Variants in BRCA1 observed in about 807,000 individuals in gnomAD.
BRCA1 encodes the protein breast cancer type 1 susceptibility protein.
A neutral mutation model predicts 173.7 loss-of-function variants in BRCA1; 140 were observed. The observed-to-expected ratio is 0.81, with a 90% CI of 0.70 to 0.93. BRCA1 has a LOEUF of 0.93. Ranked by LOEUF, BRCA1 falls within the 40% of genes least tolerant of loss-of-function variation. The pLI is 0.00. For synonymous variants in BRCA1, 662 were observed against 756.0 expected, an observed-to-expected ratio of 0.88 and a Z score of 2.04; for missense variants, 1,983 against 2,172.5, an observed-to-expected ratio of 0.91 and a Z score of 1.73.
intron 1 of BRCA1, among the ~76,000 whole-genome samples, chr17:43,156,871 A>T (rs2056200740): frequency 6.6e-6 from 1 of 152,274 alleles, no homozygotes; most frequent in Non-Finnish European, 1.5e-5. Context: ...GAAGACTGTG[A>T]AAAGGGAAAA....
chr17:43,061,113 G>C (rs915761575), intron 18 of BRCA1, among the ~76,000 whole-genome samples: 5 of 152,008 alleles, frequency 3.3e-5, no homozygotes, highest in Non-Finnish European at 7.4e-5. Context: ...GGGATAGAGG[G>C]AGACACCATC....
At position 43,094,673 on chromosome 17, in the gene BRCA1, C is replaced by T. The variant is rs2054034679; in HGVS notation, c.858G>A (p.Glu286=). The stretch of plus-strand genomic sequence containing the variant: ...CTTTAGTGAGTAATAAACTGCTGTT[C>T]TCATGCTGTAATGAGCTGGCATGAG... ...TNTHASSLQH[E]NSSLLLTKDR... The change falls in exon 10 of 23, where the codon GAG becomes GAA. Residue 286 remains glutamate, a synonymous_variant. Transcript: ENST00000357654. 2 of 1,614,022 alleles carry T rather than the reference C, an allele frequency of 1.2e-6. No individual in the cohort carries two copies. The highest frequency in any genetic ancestry group is 1.7e-6 in the Non-Finnish European group (2 of 1,179,972).
In BRCA1 at chr17:43,100,684, T is replaced by TATAACATATATATATATATATATATA. The variant is rs1555595423; in HGVS notation, c.442-805_442-804insTATATATATATATATATATATGTTAT. Among the ~76,000 whole-genome samples, 99 of 12,522 alleles carry TATAACATATATATATATATATATATA rather than the reference T, an allele frequency of 7.9e-3. 5 individuals carry two copies. Among genetic ancestry groups the TATAACATATATATATATATATATATA allele is most frequent in the African/African-American group, 0.021 (97 of 4,650 alleles). 8.2% of individuals were successfully genotyped at this position (12,522 alleles called of 152,430 possible). On this transcript the variant is annotated intron_variant, in intron 6 of 22. Coordinates refer to ENST00000357654, the MANE Select transcript of BRCA1 (RefSeq NM_007294.4). ...TATATATATATATATATATAATATATATATATATATATATATATGTAATCC... is the reference window on the plus strand; with the variant it reads ...TATATATATATATATATATAATATATATAACATATATATATATATATATATAATATATATATATATATATGTAATCC...
chr17:43,094,173 T>C lies in BRCA1; in HGVS notation c.1358A>G (p.Glu453Gly). ...KSERVHSKSV[E>G]SNIEDKIFGK... ...AAATATTTTGTCTTCAATATTACTC[T>C]CTACTGATTTGGAGTGAACTCTTTC... The change falls in exon 10 of 23, where the codon GAG (glutamate) becomes GGG (glycine). Residue 453 changes from glutamate to glycine, a missense_variant. Physicochemically the swap from Glu to Gly is moderately conservative, Grantham distance 98 (BLOSUM62 -2). Transcript: ENST00000357654. 1 of 1,614,058 alleles carries C rather than the reference T, an allele frequency of 6.2e-7. No individual in the cohort carries two copies. Among genetic ancestry groups the C allele is most frequent in the Non-Finnish European group, 8.5e-7 (1 of 1,180,006 alleles).
intron 16 of BRCA1, 70 bp downstream of exon 16, chr17:43,067,538 G>T (rs778065395): frequency 1.5e-6 from 2 of 1,295,076 alleles, no homozygotes; most frequent in Non-Finnish European, 2.2e-6. Flanking sequence ...ACAGGCATGC[G>T]CCACCGTGCC....
At position 43,063,793 on chromosome 17, in the gene BRCA1, AC is replaced by A. The variant is rs902919427; in HGVS notation, c.5152+80del. 118 of 1,151,134 alleles carry A rather than the reference AC, an allele frequency of 1.0e-4. No individual in the cohort carries two copies. The African/African-American group carries it at 1.5e-3, about 15-fold the overall frequency. 71.3% of individuals were successfully genotyped at this position (1,151,134 alleles called of 1,614,324 possible). A position where few individuals can be genotyped will look rare whatever the true frequency, so the allele number is the denominator to read the frequency against. On this transcript the variant is annotated intron_variant, in intron 17 of 22. Coordinates refer to ENST00000357654, the MANE Select transcript of BRCA1 (RefSeq NM_007294.4). Reference sequence around the variant, plus strand: ...TAACTCAGACTCAGCATCAGCAAAAACCTTAGGTGTTAAACGTTAGGTGTAA... The same window carrying A: ...TAACTCAGACTCAGCATCAGCAAAAACTTAGGTGTTAAACGTTAGGTGTAA...
rs553002761 is a variant in BRCA1 at position 43,117,398 on chromosome 17, C to T, written c.81-1619G>A. 5.3e-5 allele frequency among the ~76,000 whole-genome samples: 8 copies of T among 152,194 alleles called. No homozygotes were observed. In the East Asian group the frequency reaches 1.4e-3, roughly 26 times the overall value. ...TGGAGGTTGCAGAGTGAGCCAATAT[C>T]GTGCCACTGCACTCCAGCCTAGGTG... On this transcript the variant is annotated intron_variant, in intron 2 of 22. Transcript: ENST00000357654.
chr17:43,071,732 G>A (rs753175231), intron 14 of BRCA1, among the ~76,000 whole-genome samples: 13 of 150,728 alleles, frequency 8.6e-5, no homozygotes, highest in African/African-American at 1.0e-4. Flanking sequence ...GGCCGAGCAC[G>A]GTGGCTCACA....
At chr17:43,163,602 T>C (rs2056249982) in intron 1 of BRCA1, 1 of 152,244 alleles carries the variant, frequency 6.6e-6, no homozygotes, top group Non-Finnish European at 1.5e-5. Flanking sequence ...TTTCTTTTTT[T>C]CCTTCTGGTT....
At chr17:43,145,577 C>T (rs375715806) in intron 1 of BRCA1, among the ~76,000 whole-genome samples, 18 of 152,268 alleles carry the variant, frequency 1.2e-4, no homozygotes, top group African/African-American at 4.3e-4. Flanking sequence ...CCGCCCGCCT[C>T]GGCCTCCCAA....
intron 12 of BRCA1, among the ~76,000 whole-genome samples, chr17:43,079,130 CA>C (rs1160647388): frequency 6.6e-6 from 1 of 152,064 alleles, no homozygotes; most frequent in Non-Finnish European, 1.5e-5. Context: ...GCCGAAATCA[CA>C]CCATTGCACT....
intron 1 of BRCA1, chr17:43,170,116 T>G (rs1597952042): frequency 3.5e-6 from 1 of 289,750 alleles, no homozygotes; most frequent in Non-Finnish European, 7.1e-6. Flanking sequence ...CCGGACGCGG[T>G]GCTACTCACC....
chr17:43,161,626 C>T (rs1280206245), intron 1 of BRCA1: 3 of 152,220 alleles, frequency 2.0e-5, no homozygotes, highest in African/African-American at 2.4e-5. Flanking sequence ...GGATTTTTCT[C>T]TGTGTGGTTT....
intron 16 of BRCA1, among the ~76,000 whole-genome samples, chr17:43,066,686 G>T (rs955509320): frequency 8.6e-5 from 13 of 151,592 alleles, no homozygotes; most frequent in African/African-American, 2.9e-4. Flanking sequence ...TGGGATTACT[G>T]ATGCGAGCCA....
At chr17:43,050,912 CTG>C (rs2051183759) in intron 20 of BRCA1, 149 bp downstream of exon 20, 1 of 760,546 alleles carries the variant, frequency 1.3e-6, no homozygotes, top group Non-Finnish European at 2.2e-6. Flanking sequence ...CATTTAGGTG[CTG>C]TTTTGTTTGG....
chr17:43,066,545 G>T (rs1249445408), intron 16 of BRCA1, among the ~76,000 whole-genome samples: 2 of 151,988 alleles, frequency 1.3e-5, no homozygotes, highest in Non-Finnish European at 2.9e-5. Flanking sequence ...CAAGTAGCTG[G>T]GATTACAGGT....
rs876659601 is a variant in BRCA1, at chr17:43,092,365, A to G, written c.3166T>C (p.Ser1056Pro). 1.2e-6 allele frequency: 2 copies of G among 1,613,784 alleles called. No homozygotes were observed. The highest frequency in any genetic ancestry group is 2.2e-5 in the East Asian group (1 of 44,868). ...CTGGAACCTATTTCATTAATACTGG[A>G]GCCCACTTCATTAGTACTGGAACCT... ...EVGSSTNEVG[S>P]SINEIGSSDE... Residue 1056 changes from serine to proline, a missense_variant, in exon 10 of 23, where the codon TCC becomes CCC. Ser to Pro is a moderately conservative substitution (Grantham distance 74). Coordinates refer to ENST00000357654, the MANE Select transcript of BRCA1 (RefSeq NM_007294.4).
intron 1 of BRCA1, among the ~76,000 whole-genome samples, chr17:43,132,372 ACT>A (rs1385224012): frequency 6.6e-6 from 1 of 152,036 alleles, no homozygotes; most frequent in Non-Finnish European, 1.5e-5. Flanking sequence ...TGAGCCCCAC[ACT>A]GTTTTAAGGA....
At chr17:43,103,167 A>G (rs1025525065) in intron 6 of BRCA1, among the ~76,000 whole-genome samples, 1 of 152,158 alleles carries the variant, frequency 6.6e-6, no homozygotes, top group Non-Finnish European at 1.5e-5. Flanking sequence ...GGAAGGGCCT[A>G]TAAGAGCTCT....
Sources: allele counts gnomAD v4.1 joint callset (sites outside exome capture counted in the v4.1 genomes callset), GRCh38; gene constraint gnomAD v4.1.1; transcripts MANE v1.5; gene names NCBI Gene and HGNC (gene_info 2026-07-23, HGNC 2026-07-21).